The following SLC22A15 variants were observed in gnomAD, a reference collection of about 807,000 sequenced individuals.
The protein encoded by SLC22A15 is solute carrier family 22 member 15.
A neutral mutation model predicts 62.7 loss-of-function variants in SLC22A15; 45 were observed. The ratio of observed to expected loss-of-function variants is 0.72; its 90% CI spans 0.56 to 0.92. The LOEUF (loss-of-function observed/expected upper bound fraction) is 0.92. SLC22A15 is among the 40% of genes least tolerant of loss of function. The probability of loss-of-function intolerance (pLI) is 0.00; values close to 1 mark genes in which losing one functional copy is unlikely to be tolerated. For missense variants in SLC22A15, 622 were observed against 665.6 expected, an observed-to-expected ratio of 0.93 and a Z score of 0.72; for synonymous variants, 264 against 267.0, an observed-to-expected ratio of 0.99 and a Z score of 0.11.
intron 10 of SLC22A15, 104 bp from the exon 11 acceptor site, chr1:116,066,416 C>G (rs1658499507): frequency 2.0e-6 from 2 of 1,015,846 alleles, no homozygotes; most frequent in Non-Finnish European, 1.4e-6. Flanking sequence ...AGGTCATGAA[C>G]TAGGTGGTAA....
intron 2 of SLC22A15, among the ~76,000 whole-genome samples, chr1:116,008,536 C>G (rs1395733886): frequency 6.6e-6 from 1 of 152,182 alleles, no homozygotes; most frequent in African/African-American, 2.4e-5. Flanking sequence ...GGGGACATGA[C>G]TGCTGCTTCA....
intron 5 of SLC22A15, among the ~76,000 whole-genome samples, chr1:116,027,959 C>T (rs1657184363): frequency 6.6e-6 from 1 of 152,144 alleles, no homozygotes; most frequent in African/African-American, 2.4e-5. Context: ...GGCTTTTCTT[C>T]CCTGAGATAT....
chr1:115,995,630 T>C (rs879372594), intron 2 of SLC22A15, among the ~76,000 whole-genome samples: 2 of 152,198 alleles, frequency 1.3e-5, no homozygotes, highest in East Asian at 1.9e-4. Context: ...AAGAGCCCTT[T>C]CTCTCCCTTG....
chr1:116,021,013 C>A, intron 4 of SLC22A15, 128 bp downstream of exon 4: 1 of 850,936 alleles, frequency 1.2e-6, no homozygotes, highest in Non-Finnish European at 1.7e-6. Flanking sequence ...ATTAGATTTG[C>A]TTTTCTGATT....
At chr1:116,040,086 G>A (rs1303423343) in intron 8 of SLC22A15, among the ~76,000 whole-genome samples, 1 of 152,036 alleles carries the variant, frequency 6.6e-6, no homozygotes, top group East Asian at 1.9e-4. Flanking sequence ...TTATTTTTTA[G>A]CACCTGTATT....
chr1:116,064,343 A>T, intron 9 of SLC22A15, 93 bp from the exon 10 acceptor site: 1 of 832,424 alleles, frequency 1.2e-6, no homozygotes, highest in Non-Finnish European at 2.0e-6. Flanking sequence ...CTTCCACTTC[A>T]GGACATGTTA....
chr1:116,006,640 G>A (rs895650289), intron 2 of SLC22A15, among the ~76,000 whole-genome samples: 3 of 151,952 alleles, frequency 2.0e-5, no homozygotes, highest in Admixed American at 6.6e-5. Flanking sequence ...TTGTCAATCT[G>A]TATCTCTGTG....
chr1:116,063,459 G>A (rs1364855468), intron 9 of SLC22A15, among the ~76,000 whole-genome samples: 1 of 152,116 alleles, frequency 6.6e-6, no homozygotes. Flanking sequence ...AAGGATGGGG[G>A]TGCAGCTGAG....
chr1:116,066,690 G>A lies in SLC22A15; in HGVS notation c.1536G>A (p.Gln512=), dbSNP rs1381846614. 4.3e-6 allele frequency: 7 copies of A among 1,612,568 alleles called. No individual in the cohort carries two copies. Among genetic ancestry groups the A allele is most frequent in the Non-Finnish European group, 5.1e-6 (6 of 1,179,414 alleles). The part of the protein sequence containing the change: ...RRLGEEALSL[Q]ALDPQQCVDK... Reference sequence around the variant, plus strand: ...TGGGAGAAGAAGCATTATCTTTACAGGCTTTGGACCCCCAACAGGTGTGAT... The same window carrying A: ...TGGGAGAAGAAGCATTATCTTTACAAGCTTTGGACCCCCAACAGGTGTGAT... Residue 512 remains glutamine (Q), a synonymous_variant, in exon 11 of 12, where the codon CAG becomes CAA. Transcript: ENST00000369503.
chr1:115,976,815 A>T, intron 1 of SLC22A15, 101 bp downstream of exon 1: 1 of 921,128 alleles, frequency 1.1e-6, no homozygotes, highest in South Asian at 1.4e-5. Context: ...GCCGAGGCCG[A>T]GGCTCTGCAA....
At chr1:116,050,117 C>CA (rs1186224768) in intron 8 of SLC22A15, among the ~76,000 whole-genome samples, 6 of 151,562 alleles carry the variant, frequency 4.0e-5, no homozygotes, top group Non-Finnish European at 5.9e-5. Context: ...AAATTACCAA[C>CA]AAAAAAAAGT....
chr1:116,011,340 G>A (rs1035284002), intron 2 of SLC22A15, among the ~76,000 whole-genome samples: 6 of 152,122 alleles, frequency 3.9e-5, no homozygotes, highest in Admixed American at 3.3e-4. Flanking sequence ...ATAGGAAGAA[G>A]GAAACCCCCT....
Position 116,069,360 on chromosome 1 carries a change from G to T in SLC22A15, c.*2252G>T, listed in dbSNP as rs1658565954. 1 of 152,090 alleles carries T rather than the reference G, an allele frequency of 6.6e-6. No individual in the cohort carries two copies. Among genetic ancestry groups the T allele is most frequent in the African/African-American group, 2.4e-5 (1 of 41,416 alleles). The allele number at this position is 152,090 out of a possible 1,614,324, so 9.4% of individuals were successfully genotyped here. On this transcript the variant is annotated 3_prime_UTR_variant, in exon 12 of 12. Transcript: ENST00000369503. ...TGAATACTATTGATGTAGAGAATGT[G>T]TATATGTGTATATTTGCATTGATTA...
chr1:116,012,110 G>T (rs1042404521), intron 2 of SLC22A15, among the ~76,000 whole-genome samples: 5 of 152,102 alleles, frequency 3.3e-5, no homozygotes, highest in African/African-American at 1.2e-4. Flanking sequence ...CATTAGAGTG[G>T]TTTGTGATTA....
At chr1:116,062,180 GC>G (rs1363664437) in intron 8 of SLC22A15, among the ~76,000 whole-genome samples, 1 of 152,198 alleles carries the variant, frequency 6.6e-6, no homozygotes, top group Non-Finnish European at 1.5e-5. Context: ...TGGCACTCCA[GC>G]CTGGGAGACA....
At position 115,989,401 on chromosome 1, in the gene SLC22A15, T is replaced by C. The variant is rs1343551662; in HGVS notation, c.88-2630T>C. ...TTATTGAGAATGGTGTCCTTCATAATGGACCATGCCTCAGATTAGAGGACC... is the reference window on the plus strand; with the variant it reads ...TTATTGAGAATGGTGTCCTTCATAACGGACCATGCCTCAGATTAGAGGACC... On this transcript the variant is annotated intron_variant, in intron 1 of 11. Transcript: ENST00000369503. 2.0e-5 allele frequency among the ~76,000 whole-genome samples: 3 copies of C among 152,332 alleles called. No individual in the cohort carries two copies. The South Asian group carries it at 6.2e-4, about 32-fold the overall frequency.
rs1453401399 is a variant in SLC22A15, at chr1:116,068,178, A to G, written c.*1070A>G. The G allele has an allele frequency of 1.3e-5, 2 of 152,678 alleles. No homozygotes were observed. Among genetic ancestry groups the G allele is most frequent in the Admixed American group, 1.3e-4 (2 of 15,278 alleles). 9.5% of individuals were successfully genotyped at this position (152,678 alleles called of 1,614,324 possible). ...AAACCTTGGTTTTTCATTAAGTGCT[A>G]CCAACTTTCAAGTGAATCTTGTATT... On this transcript the variant is annotated 3_prime_UTR_variant, in exon 12 of 12. Coordinates refer to ENST00000369503, the MANE Select transcript of SLC22A15 (RefSeq NM_018420.3).
At chr1:115,977,246 A>C (rs1413426546) in intron 1 of SLC22A15, among the ~76,000 whole-genome samples, 1 of 152,148 alleles carries the variant, frequency 6.6e-6, no homozygotes, top group African/African-American at 2.4e-5. Context: ...CTTTCAAAGC[A>C]TAGGATTTAT....
At chr1:115,980,107 A>G (rs928765039) in intron 1 of SLC22A15, among the ~76,000 whole-genome samples, 24 of 151,672 alleles carry the variant, frequency 1.6e-4, no homozygotes, top group Admixed American at 3.9e-4. Context: ...TGATTGCAGA[A>G]GAGGAAACTG....
Sources: allele counts gnomAD v4.1 joint callset (sites outside exome capture counted in the v4.1 genomes callset), GRCh38; gene constraint gnomAD v4.1.1; transcripts MANE v1.5; gene names NCBI Gene and HGNC (gene_info 2026-07-23, HGNC 2026-07-21).